Variants in CASZ1 observed in about 807,000 individuals in gnomAD.
The protein encoded by CASZ1 is castor zinc finger 1.
In CASZ1, 28 loss-of-function variants were observed where a neutral mutation model predicts 135.2. The ratio of observed to expected loss-of-function variants is 0.21; its 90% CI spans 0.15 to 0.28. CASZ1 has a LOEUF of 0.28. CASZ1 is among the 10% of genes least tolerant of loss of function. The probability of loss-of-function intolerance (pLI) is 1.00; values close to 1 mark genes in which losing one functional copy is unlikely to be tolerated. For missense variants in CASZ1, 2,161 were observed against 2,453.3 expected, an observed-to-expected ratio of 0.88 and a Z score of 2.52; for synonymous variants, 1,068 against 1,073.4, an observed-to-expected ratio of 0.99 and a Z score of 0.10.
At chr1:10,672,463 G>T (rs555809388) in intron 4 of CASZ1, among the ~76,000 whole-genome samples, 1 of 148,206 alleles carries the variant, frequency 6.7e-6, no homozygotes, top group Non-Finnish European at 1.5e-5. Flanking sequence ...TCGCCAGCCC[G>T]CGCTCCAGCC....
chr1:10,640,191 T>G, intron 20 of CASZ1, 132 bp from the exon 21 acceptor site: 1 of 1,382,394 alleles, frequency 7.2e-7, no homozygotes, highest in Non-Finnish European at 9.7e-7. Flanking sequence ...CGGCTTCCCC[T>G]GGCTTGGGAG....
rs567680599 is a variant in CASZ1 at position 10,650,849 on chromosome 1, GC to G, written c.2816+91del. 7,336 of 1,601,602 alleles carry G rather than the reference GC, an allele frequency of 4.6e-3. 30 individuals carry two copies. The highest frequency in any genetic ancestry group is 5.3e-3 in the Non-Finnish European group (6,169 of 1,170,492). ...TGCCCGACCCTGGGGCTCCAGCCGA[GC>G]CCGCTGCAACTGCCTGGGCGGGACC... On this transcript the variant is annotated intron_variant, in intron 12 of 20. Transcript: ENST00000377022.
chr1:10,645,279 C>T (rs1261736259), intron 17 of CASZ1, among the ~76,000 whole-genome samples, 191 bp from the exon 18 acceptor site: 3 of 152,140 alleles, frequency 2.0e-5, no homozygotes, highest in African/African-American at 7.2e-5. Flanking sequence ...GCCTATAATC[C>T]CAGCGCTTTG....
chr1:10,650,349 C>T (rs941648783), intron 13 of CASZ1: 2 of 154,226 alleles, frequency 1.3e-5, no homozygotes, highest in African/African-American at 4.8e-5. Flanking sequence ...CTCCCCCATC[C>T]CCTTTTAAAC....
In CASZ1 at chr1:10,778,386, A is replaced by T. The variant is rs1382106647; in HGVS notation, c.-233-17529T>A. Among the ~76,000 whole-genome samples the T allele has an allele frequency of 6.6e-5, 10 of 152,024 alleles. No individual in the cohort carries two copies. The East Asian group carries it at 1.9e-3, about 29-fold the overall frequency. On this transcript the variant is annotated intron_variant, in intron 1 of 20. Coordinates refer to ENST00000377022, the MANE Select transcript of CASZ1 (RefSeq NM_001079843.3). Reference sequence around the variant, plus strand: ...CTCATAAACAATCTCATACATGATCACTCATACAATCTCAGACACAATCTT... The same window carrying T: ...CTCATAAACAATCTCATACATGATCTCTCATACAATCTCAGACACAATCTT...
intron 1 of CASZ1, among the ~76,000 whole-genome samples, chr1:10,763,931 C>T (rs187030740): frequency 2.5e-3 from 388 of 152,276 alleles, no homozygotes; most frequent in Non-Finnish European, 4.5e-3. Context: ...GGCGCAATCT[C>T]GGTTCACTGT....
chr1:10,777,595 C>A lies in CASZ1; in HGVS notation c.-233-16738G>T, dbSNP rs186693667. The stretch of plus-strand genomic sequence containing the variant: ...TACAACGAGGGGGAAAGAAGCGACA[C>A]ACAAAAACACAACCACACACACAAA... On this transcript the variant is annotated intron_variant, in intron 1 of 20. Coordinates refer to ENST00000377022, the MANE Select transcript of CASZ1 (RefSeq NM_001079843.3). The surrounding 1 kb of genome is among the most constrained non-coding windows in gnomAD (Gnocchi z 4.4). Among the ~76,000 whole-genome samples the A allele has an allele frequency of 6.6e-6, 1 of 152,130 alleles. No individual in the cohort carries two copies. Among genetic ancestry groups the A allele is most frequent in the Non-Finnish European group, 1.5e-5 (1 of 68,018 alleles).
At position 10,653,535 on chromosome 1, in the gene CASZ1, G is replaced by T. The variant is rs372692770; in HGVS notation, c.2522C>A (p.Ala841Asp). ...SATPDTPTLVASGAGDSAPVA... is the reference protein window; with the variant it reads ...SATPDTPTLVDSGAGDSAPVA... ...GGGGGCTGAGTCTCCAGCTCCCGAG[G>T]CGACCAGCGTGGGTGTGTCAGGGGT... Residue 841 changes from alanine to aspartate, a missense_variant, in exon 11 of 21, where the codon GCC becomes GAC. Around this residue, in one of 7 missense-constraint regions of CASZ1, gnomAD observed 406 missense variants for 387.6 expected, o/e 1.05. Transcript: ENST00000377022. The T allele has an allele frequency of 6.2e-7, 1 of 1,601,840 alleles. No individual in the cohort carries two copies. Among genetic ancestry groups the T allele is most frequent in the Non-Finnish European group, 8.5e-7 (1 of 1,173,060 alleles).
chr1:10,758,050 C>A (rs552960366), intron 2 of CASZ1, among the ~76,000 whole-genome samples: 1 of 152,302 alleles, frequency 6.6e-6, no homozygotes, highest in African/African-American at 2.4e-5. Flanking sequence ...ATTCTCCAGC[C>A]TGCTCTTCAC....
At chr1:10,644,407 C>T (rs1357776645) in intron 18 of CASZ1, among the ~76,000 whole-genome samples, 7 of 152,176 alleles carry the variant, frequency 4.6e-5, no homozygotes, top group African/African-American at 1.2e-4. Context: ...AGATCTGAGT[C>T]GCCACCACTG....
At chr1:10,680,752 G>A (rs1638388747) in intron 4 of CASZ1, among the ~76,000 whole-genome samples, 1 of 152,178 alleles carries the variant, frequency 6.6e-6, no homozygotes, top group Admixed American at 6.5e-5. Flanking sequence ...TGAAGCCTCC[G>A]TCCCACCCCA....
At position 10,741,149 on chromosome 1, in the gene CASZ1, ATTTTTGTATT is replaced by A. The variant is rs1341782760; in HGVS notation, c.-77+19542_-77+19551del. 2.6e-5 allele frequency among the ~76,000 whole-genome samples: 4 copies of A among 151,862 alleles called. No homozygotes were observed. The highest frequency in any genetic ancestry group is 1.3e-4 in the Admixed American group (2 of 15,256). ...GGATTAGAGGCATGTACCTCCAATA[ATTTTTGTATT>A]TTTAGCAGAGACGGGGTTTCACCAT... On this transcript the variant is annotated intron_variant, in intron 2 of 20. Transcript: ENST00000377022. This position sits in a 1 kb window ranked among gnomAD's most constrained non-coding sequence, Gnocchi z 5.0.
chr1:10,771,881 C>T (rs368950979), intron 1 of CASZ1, among the ~76,000 whole-genome samples: 1 of 152,194 alleles, frequency 6.6e-6, no homozygotes, highest in Non-Finnish European at 1.5e-5. Flanking sequence ...ACTGAGGACC[C>T]GGCATGAAGT....
In CASZ1 at chr1:10,697,146, G is replaced by A. The variant is rs954999804; in HGVS notation, c.-23-3234C>T. ...AGCAAGAAACAGGCCAACTCGGAGC[G>A]CAAGGATTTATGAAGGTCAGAGAAG... On this transcript the variant is annotated intron_variant, in intron 3 of 20. Transcript: ENST00000377022. The surrounding 1 kb of genome is among the most constrained non-coding windows in gnomAD (Gnocchi z 4.7). Among the ~76,000 whole-genome samples the A allele has an allele frequency of 6.6e-6, 1 of 152,218 alleles. No individual in the cohort carries two copies. Among genetic ancestry groups the A allele is most frequent in the Non-Finnish European group, 1.5e-5 (1 of 68,042 alleles).
chr1:10,686,576 C>G (rs930654846), intron 4 of CASZ1, among the ~76,000 whole-genome samples: 3 of 152,224 alleles, frequency 2.0e-5, no homozygotes, highest in African/African-American at 7.2e-5. Context: ...CTGGGCTTCC[C>G]CCCAGGCCGT....
intron 1 of CASZ1, among the ~76,000 whole-genome samples, chr1:10,770,085 T>C (rs169527): frequency 2.4e-4 from 37 of 152,290 alleles, no homozygotes; most frequent in African/African-American, 7.7e-4. Context: ...TTCTCTTTTT[T>C]CTTTTCTTTC....
rs1642404531 is a variant in CASZ1, at chr1:10,647,640, C to T, written c.3497+161G>A. The stretch of plus-strand genomic sequence containing the variant: ...ACAGGCAGTGAGGTAGGAGCAGCAG[C>T]ATCTTTGGCTAGAAGGACATCACCC... On this transcript the variant is annotated intron_variant, in intron 16 of 20. Transcript: ENST00000377022. The surrounding 1 kb of genome is among the most constrained non-coding windows in gnomAD (Gnocchi z 4.9). The T allele has an allele frequency of 6.8e-7, 1 of 1,466,622 alleles. No homozygotes were observed. The highest frequency in any genetic ancestry group is 1.4e-5 in the South Asian group (1 of 72,166). The allele number at this position is 1,466,622 out of a possible 1,614,324, so 90.9% of individuals were successfully genotyped here.
In CASZ1 at chr1:10,639,107, GTCC is replaced by G; in HGVS notation, c.5112_5114del (p.Glu1704del). 1.7e-6 allele frequency: 2 copies of G among 1,158,026 alleles called. No individual in the cohort carries two copies. Among genetic ancestry groups the G allele is most frequent in the Non-Finnish European group, 1.1e-6 (1 of 917,166 alleles). The allele number at this position is 1,158,026 out of a possible 1,614,324, so 71.7% of individuals were successfully genotyped here. On this transcript the variant is annotated inframe_deletion, in exon 21 of 21. Coordinates refer to ENST00000377022, the MANE Select transcript of CASZ1 (RefSeq NM_001079843.3). This position sits in a 1 kb window ranked among gnomAD's most constrained non-coding sequence, Gnocchi z 4.0. ...CCTCGTCGTCGTCGTCCTCGTCGTC[GTCC>G]TCGTCGTCGTCGTCCTCGTCGTCGT...
Position 10,693,928 on chromosome 1 carries a change from C to T in CASZ1, c.-23-16G>A, listed in dbSNP as rs370348923. On this transcript the variant is annotated splice_polypyrimidine_tract_variant and intron_variant, in intron 3 of 20. Coordinates refer to ENST00000377022, the MANE Select transcript of CASZ1 (RefSeq NM_001079843.3). Reference sequence around the variant, plus strand: ...GTCCCAAACTCTTCGCAGAACGCCACCAGGGGAAGACCGGGAGAGAAGAAA... The same window carrying T: ...GTCCCAAACTCTTCGCAGAACGCCATCAGGGGAAGACCGGGAGAGAAGAAA... 5.0e-6 allele frequency: 8 copies of T among 1,611,650 alleles called. No individual in the cohort carries two copies. The African/African-American group carries it at 5.3e-5, about 11-fold the overall frequency.
Sources: gnomAD v4.1 joint callset for allele counts (sites outside exome capture counted in the v4.1 genomes callset) on GRCh38, gnomAD v4.1.1 for gene constraint, gnomAD v4.1.1 regional missense constraint, Gnocchi (gnomAD v3.1) non-coding constraint, MANE v1.5 for transcripts, NCBI Gene and HGNC (gene_info 2026-07-23, HGNC 2026-07-21) for gene names.